The following UBE3D variants were observed in gnomAD, a reference collection of about 807,000 sequenced individuals.
UBE3D encodes ubiquitin protein ligase E3D.
In UBE3D, 48 loss-of-function variants were observed where a neutral mutation model predicts 49.6. The observed-to-expected ratio is 0.97, with a 90% CI of 0.77 to 1.23. UBE3D has a LOEUF of 1.23. Among genes scored for constraint, UBE3D ranks in the 50% most tolerant of loss-of-function variants. UBE3D has a pLI of 0.00. For synonymous variants in UBE3D, 189 were observed against 174.2 expected (o/e 1.08, Z -0.67); for missense variants, 452 against 468.4 (o/e 0.96, Z 0.32).
intron 9 of UBE3D, among the ~76,000 whole-genome samples, chr6:82,927,173 C>A (rs1773815136): frequency 6.7e-6 from 1 of 150,160 alleles, no homozygotes; most frequent in Non-Finnish European, 1.5e-5. Context: ...TTTGCGGGTC[C>A]ATTTCTGGGC....
intron 8 of UBE3D, among the ~76,000 whole-genome samples, chr6:83,010,080 A>G (rs1780237493): frequency 1.3e-5 from 2 of 152,138 alleles, no homozygotes; most frequent in African/African-American, 4.8e-5. Flanking sequence ...GAGCAAGAAG[A>G]CAAACATGAA....
At chr6:82,969,307 C>T (rs978005749) in intron 8 of UBE3D, among the ~76,000 whole-genome samples, 2 of 151,922 alleles carry the variant, frequency 1.3e-5, no homozygotes, top group African/African-American at 2.4e-5. Context: ...AAGAACATCA[C>T]GATAAAAATA....
chr6:83,057,142 G>A (rs537240188), intron 2 of UBE3D, among the ~76,000 whole-genome samples: 2 of 152,228 alleles, frequency 1.3e-5, no homozygotes, highest in African/African-American at 4.8e-5. Flanking sequence ...TTTGTGTACT[G>A]TTTTCTCTAT....
At chr6:82,881,084 G>T in the UBE3D span, among the ~76,000 whole-genome samples, 2 of 152,138 alleles carry the variant, frequency 1.3e-5, no homozygotes, top group African/African-American at 2.4e-5. Context: ...TTCAATACAT[G>T]AATTTTAAGG....
intron 8 of UBE3D, among the ~76,000 whole-genome samples, chr6:82,995,721 G>C (rs181779962): frequency 9.9e-5 from 15 of 152,182 alleles, no homozygotes; most frequent in Admixed American, 3.3e-4. Flanking sequence ...AAAAACAAAC[G>C]CGTCAACTAG....
At chr6:82,911,691 T>C (rs1447536269) in intron 9 of UBE3D, among the ~76,000 whole-genome samples, 1 of 152,136 alleles carries the variant, frequency 6.6e-6, no homozygotes, top group Non-Finnish European at 1.5e-5. Context: ...ATTTCACTAG[T>C]GCTGCTGCCT....
At chr6:83,058,068 A>C in intron 1 of UBE3D, 46 bp from the exon 2 acceptor site, 1 of 1,592,842 alleles carries the variant, frequency 6.3e-7, no homozygotes, top group East Asian at 2.2e-5. Context: ...CTCACAATGA[A>C]AACCACATGA....
At chr6:82,928,610 A>C (rs1773921802) in intron 9 of UBE3D, among the ~76,000 whole-genome samples, 1 of 152,168 alleles carries the variant, frequency 6.6e-6, no homozygotes, top group Non-Finnish European at 1.5e-5. Context: ...TAAATTTTAA[A>C]ACATGAATGC....
intron 9 of UBE3D, among the ~76,000 whole-genome samples, chr6:82,915,053 T>C (rs1406431221): frequency 6.6e-6 from 1 of 152,166 alleles, no homozygotes; most frequent in Non-Finnish European, 1.5e-5. Context: ...TCCCTTCCAT[T>C]TTTTCTTCAG....
At chr6:82,961,093 C>T (rs1582474592) in intron 8 of UBE3D, among the ~76,000 whole-genome samples, 1 of 152,170 alleles carries the variant, frequency 6.6e-6, no homozygotes, top group East Asian at 1.9e-4. Flanking sequence ...ATGAGGTAAA[C>T]ACTGTAGCCT....
At chr6:82,900,753 A>T (rs952601932) in intron 9 of UBE3D, among the ~76,000 whole-genome samples, 6 of 152,178 alleles carry the variant, frequency 3.9e-5, no homozygotes, top group African/African-American at 1.2e-4. Flanking sequence ...GCATGAGGGA[A>T]TAATTCTGTC....
the UBE3D span, among the ~76,000 whole-genome samples, chr6:82,881,353 A>T: frequency 6.6e-6 from 1 of 152,160 alleles, no homozygotes; most frequent in Non-Finnish European, 1.5e-5. Context: ...GAGGGTGGGA[A>T]GCAGAGCAGA....
chr6:82,945,662 A>G (rs1213050638), intron 9 of UBE3D, among the ~76,000 whole-genome samples: 6 of 152,180 alleles, frequency 3.9e-5, no homozygotes, highest in Non-Finnish European at 8.8e-5. Context: ...CAAACAAACT[A>G]AATGAGGCAC....
At position 82,923,435 on chromosome 6, in the gene UBE3D, C is replaced by T. The variant is rs1285527450; in HGVS notation, c.1150-30393G>A. On this transcript the variant is annotated intron_variant, in intron 9 of 9. Transcript: ENST00000369747. ...GCACACAGATGAAGCTAGAAACCAT[C>T]ATTCTCAGCAAACGATCACAAGATC... 3.3e-5 allele frequency among the ~76,000 whole-genome samples: 5 copies of T among 152,174 alleles called. No individual in the cohort carries two copies. In the East Asian group the frequency reaches 9.6e-4, roughly 29 times the overall value.
intron 8 of UBE3D, among the ~76,000 whole-genome samples, chr6:82,978,072 G>C (rs1363206210): frequency 6.7e-6 from 1 of 150,334 alleles, no homozygotes; most frequent in Non-Finnish European, 1.5e-5. Context: ...CGGTGGGAAA[G>C]GGCATAAGCC....
intron 8 of UBE3D, among the ~76,000 whole-genome samples, chr6:83,007,666 C>T (rs908523403): frequency 5.3e-5 from 8 of 152,120 alleles, no homozygotes; most frequent in African/African-American, 1.7e-4. Context: ...TTTGGCTCAC[C>T]GGGTACGGTG....
chr6:83,020,823 A>G (rs911494946), intron 7 of UBE3D, among the ~76,000 whole-genome samples: 1 of 152,102 alleles, frequency 6.6e-6, no homozygotes. Flanking sequence ...ATGTTTCCCT[A>G]TTAGCTTTTT....
chr6:82,896,079 T>C (rs934783763), intron 9 of UBE3D, among the ~76,000 whole-genome samples: 1 of 152,324 alleles, frequency 6.6e-6, no homozygotes, highest in African/African-American at 2.4e-5. Flanking sequence ...AACATGAAAC[T>C]GCAATCATCC....
chr6:83,063,835 A>G (rs910084815), intron 1 of UBE3D, among the ~76,000 whole-genome samples: 2 of 152,216 alleles, frequency 1.3e-5, no homozygotes, highest in African/African-American at 4.8e-5. Context: ...AATTTCTCAC[A>G]AAGTAACATG....
Sources: allele counts gnomAD v4.1 joint callset (sites outside exome capture counted in the v4.1 genomes callset), GRCh38; gene constraint gnomAD v4.1.1; transcripts MANE v1.5; gene names NCBI Gene and HGNC (gene_info 2026-07-23, HGNC 2026-07-21).